KDM5A: variants seen among roughly 807,000 people sequenced by gnomAD.
The protein encoded by KDM5A is lysine-specific demethylase 5A.
A neutral mutation model predicts 193.5 loss-of-function variants in KDM5A; 42 were observed. The ratio of observed to expected loss-of-function variants is 0.22; its 90% CI spans 0.17 to 0.28. The LOEUF is 0.28. Among genes scored for constraint, KDM5A ranks in the 10% least tolerant of loss-of-function variants. The pLI is 1.00. For synonymous variants in KDM5A, 796 were observed against 718.1 expected, an observed-to-expected ratio of 1.11 and a Z score of -1.73; for missense variants, 1,692 against 2,055.1, an observed-to-expected ratio of 0.82 and a Z score of 3.42.
intron 27 of KDM5A, among the ~76,000 whole-genome samples, chr12:290,918 T>C (rs934568235): frequency 6.6e-6 from 1 of 152,074 alleles, no homozygotes; most frequent in African/African-American, 2.4e-5. Flanking sequence ...AAAGGAAACA[T>C]CCTACCTTGC....
chr12:374,873 CTT>C (rs533467027), intron 3 of KDM5A, among the ~76,000 whole-genome samples: 142 of 149,170 alleles, frequency 9.5e-4, no homozygotes, highest in African/African-American at 3.4e-3. Flanking sequence ...GTTGAAAATT[CTT>C]TTTTTTTTAA....
intron 5 of KDM5A, among the ~76,000 whole-genome samples, chr12:358,613 G>C (rs549117690): frequency 1.3e-5 from 2 of 152,176 alleles, no homozygotes; most frequent in South Asian, 2.1e-4. Context: ...AGCATTCTTT[G>C]ATCTAAAACT....
intron 4 of KDM5A, among the ~76,000 whole-genome samples, chr12:363,511 T>C (rs979101805): frequency 3.9e-5 from 6 of 152,150 alleles, no homozygotes; most frequent in African/African-American, 1.4e-4. Context: ...GCTAAATCAG[T>C]GGGAAAAGGA....
At chr12:373,428 G>C (rs1944458448) in intron 3 of KDM5A, among the ~76,000 whole-genome samples, 1 of 152,138 alleles carries the variant, frequency 6.6e-6, no homozygotes. Context: ...GGGATTGGTG[G>C]TGATATCCCC....
At chr12:379,621 A>T (rs1039782679) in intron 3 of KDM5A, among the ~76,000 whole-genome samples, 8 of 152,224 alleles carry the variant, frequency 5.3e-5, no homozygotes, top group African/African-American at 1.9e-4. Context: ...AAATAACTAC[A>T]AATCAAAGTT....
At chr12:304,913 T>C (rs903434616) in intron 24 of KDM5A, among the ~76,000 whole-genome samples, 1 of 152,186 alleles carries the variant, frequency 6.6e-6, no homozygotes, top group Non-Finnish European at 1.5e-5. Flanking sequence ...GTGATTCCAG[T>C]ATTCAAGGAA....
At chr12:383,155 A>G (rs180721074) in intron 3 of KDM5A, among the ~76,000 whole-genome samples, 1 of 152,212 alleles carries the variant, frequency 6.6e-6, no homozygotes, top group Non-Finnish European at 1.5e-5. Context: ...TATTAACAAA[A>G]CTAATATATA....
At chr12:342,679 C>T (rs532574872) in intron 10 of KDM5A, among the ~76,000 whole-genome samples, 8 of 151,700 alleles carry the variant, frequency 5.3e-5, no homozygotes, top group African/African-American at 1.9e-4. Context: ...CCAGCCTGGT[C>T]TCTAACTACT....
rs752609279 is a variant in KDM5A at position 355,217 on chromosome 12, T to C, written c.811A>G (p.Arg271Gly). The C allele has an allele frequency of 3.1e-6, 5 of 1,612,784 alleles. No homozygotes were observed. The highest frequency in any genetic ancestry group is 1.1e-5 in the South Asian group (1 of 91,068). ...ATTTGCATGTTAAATGCGTCTGACC[T>C]GTTGGTAACTTTTCGTCTTCGGGTG... The part of the protein sequence containing the change: ...EVTRRRKVTN[R>G]SDAFNMQMRQ... The change falls in exon 7 of 28, where the codon AGG becomes GGG. Residue 271 changes from arginine to glycine, a missense_variant. Physicochemically the swap from Arg to Gly is moderately radical, Grantham distance 125 (BLOSUM62 -2). Transcript: ENST00000399788.
chr12:376,108 G>C (rs1300063700), intron 3 of KDM5A, among the ~76,000 whole-genome samples: 2 of 152,220 alleles, frequency 1.3e-5, no homozygotes, highest in Non-Finnish European at 2.9e-5. Context: ...CTTCAAGGCT[G>C]TCAGACAGGG....
intron 10 of KDM5A, among the ~76,000 whole-genome samples, chr12:335,198 A>C (rs933648940): frequency 3.3e-5 from 5 of 152,260 alleles, no homozygotes; most frequent in African/African-American, 1.2e-4. Context: ...CATAATGAAA[A>C]AGGAAGCTGT....
At chr12:322,208 G>C in intron 17 of KDM5A, 1 of 583,914 alleles carries the variant, frequency 1.7e-6, no homozygotes, top group Non-Finnish European at 3.1e-6. Context: ...TGCTATGTAT[G>C]AAGAACAGCA....
chr12:348,921 A>T (rs576967299), intron 10 of KDM5A, among the ~76,000 whole-genome samples: 63 of 144,942 alleles, frequency 4.3e-4, no homozygotes, highest in East Asian at 1.2e-3. Flanking sequence ...ATAAAAAATT[A>T]AAAAAAAAAA....
chr12:293,425 T>C (rs1321809591), intron 26 of KDM5A, among the ~76,000 whole-genome samples: 2 of 152,142 alleles, frequency 1.3e-5, no homozygotes, highest in African/African-American at 4.8e-5. Flanking sequence ...GTAACTGAAT[T>C]GTCTACCTAA....
chr12:325,253 A>G (rs900101273), intron 14 of KDM5A, among the ~76,000 whole-genome samples: 1 of 152,258 alleles, frequency 6.6e-6, no homozygotes, highest in South Asian at 2.1e-4. Flanking sequence ...ACTCAGCTTC[A>G]GAACAACTGG....
At chr12:289,958 T>A (rs1005196656) in intron 27 of KDM5A, among the ~76,000 whole-genome samples, 1 of 149,406 alleles carries the variant, frequency 6.7e-6, no homozygotes, top group Non-Finnish European at 1.5e-5. Flanking sequence ...TTTTTCTTTT[T>A]GAGACAGGGT....
chr12:355,166 C>G lies in KDM5A; in HGVS notation c.862G>C (p.Val288Leu), dbSNP rs747545022. 4 of 1,599,032 alleles carry G rather than the reference C, an allele frequency of 2.5e-6. No homozygotes were observed. The African/African-American group carries it at 4.0e-5, about 16-fold the overall frequency. Residue 288 changes from valine (V) to leucine (L), a missense_variant, in exon 7 of 28, where the codon GTT (valine) becomes CTT (leucine). Transcript: ENST00000399788. The stretch of plus-strand genomic sequence containing the variant: ...GACCCCAAAACACTTACAAAGTTAA[C>G]AGAGAGAGTGCCTTTCCGTTGTCTC... ...QMRQRKGTLS[V>L]NFVDLYVCMF...
At chr12:313,692 G>A (rs1157863647) in intron 19 of KDM5A, among the ~76,000 whole-genome samples, 1 of 152,162 alleles carries the variant, frequency 6.6e-6, no homozygotes, top group Non-Finnish European at 1.5e-5. Context: ...ACACAAAGAT[G>A]AATAAAGCAT....
intron 3 of KDM5A, among the ~76,000 whole-genome samples, chr12:371,448 T>C (rs935898797): frequency 6.9e-6 from 1 of 144,522 alleles, no homozygotes; most frequent in Non-Finnish European, 1.5e-5. Context: ...TTGCCCACTT[T>C]ATGATGGGGT....
Sources: gnomAD v4.1 joint callset for allele counts (sites outside exome capture counted in the v4.1 genomes callset) on GRCh38, gnomAD v4.1.1 for gene constraint, MANE v1.5 for transcripts, NCBI Gene and HGNC (gene_info 2026-07-23, HGNC 2026-07-21) for gene names.